Variants in CCZ1 observed in about 807,000 individuals in gnomAD.
CCZ1 encodes CCZ1 vacuolar protein trafficking and biogenesis associated.
In CCZ1, 19 loss-of-function variants were observed where a neutral mutation model predicts 57.8. The ratio of observed to expected loss-of-function variants is 0.33; its 90% CI spans 0.23 to 0.48. The LOEUF (loss-of-function observed/expected upper bound fraction) is 0.48. Among genes scored for constraint, CCZ1 ranks in the 20% least tolerant of loss-of-function variants. The pLI, the probability that CCZ1 is intolerant of heterozygous loss-of-function variation, is 0.99. For missense variants in CCZ1, 200 were observed against 492.0 expected (o/e 0.41, Z 5.61); for synonymous variants, 81 against 167.0 (o/e 0.49, Z 3.97).
intron 8 of CCZ1, among the ~76,000 whole-genome samples, chr7:5,910,846 C>T (rs576814099): frequency 3.4e-5 from 5 of 147,276 alleles, no homozygotes; most frequent in East Asian, 4.5e-4. Flanking sequence ...AACAATTCTC[C>T]GGCCTCAGGC....
rs1321600102 is a variant in CCZ1, at chr7:5,914,394, C to T, written c.954+1440C>T. 1.3e-4 allele frequency among the ~76,000 whole-genome samples: 20 copies of T among 149,000 alleles called. 1 individual carries two copies. The highest frequency in any genetic ancestry group is 5.0e-4 in the African/African-American group (20 of 40,178). ...GAGGCTGCAATGAGCTATGATCACACCACTGCATTCTAGCCTGGGTGACAG... is the reference window on the plus strand; with the variant it reads ...GAGGCTGCAATGAGCTATGATCACATCACTGCATTCTAGCCTGGGTGACAG... On this transcript the variant is annotated intron_variant, in intron 10 of 14. Transcript: ENST00000325974.
intron 8 of CCZ1, among the ~76,000 whole-genome samples, chr7:5,910,617 C>A (rs570427378): frequency 6.9e-6 from 1 of 144,314 alleles, no homozygotes; most frequent in Non-Finnish European, 1.5e-5. Context: ...TGAGCCACCG[C>A]CCCCAGTCCA....
At position 5,905,151 on chromosome 7, in the gene CCZ1, A is replaced by G. The variant is rs140967480; in HGVS notation, c.580A>G (p.Ser194Gly). The G allele has an allele frequency of 2.4e-5, 38 of 1,586,118 alleles. No individual in the cohort carries two copies. In the African/African-American group the frequency reaches 4.0e-4, roughly 17 times the overall value. The change falls in exon 7 of 15, where the codon AGC becomes GGC. Residue 194 changes from serine to glycine, a missense_variant. By Grantham distance (56) the Ser-to-Gly change is moderately conservative (BLOSUM62 0). This residue lies in a region of CCZ1 where 128 missense variants were observed against 178.4 expected (regional missense o/e 0.72). Coordinates refer to ENST00000325974, the MANE Select transcript of CCZ1 (RefSeq NM_015622.6). ...CDLLDIFGGI[S>G]FFPLDKMTYL... ...CCTACTTGACATTTTTGGTGGAATC[A>G]GCTTCTTCCCGTTGGATAAAATGAC...
In CCZ1 at chr7:5,900,903, G is replaced by C; in HGVS notation, c.361G>C (p.Val121Leu). 1 of 1,453,754 alleles carries C rather than the reference G, an allele frequency of 6.9e-7. No individual in the cohort carries two copies. The highest frequency in any genetic ancestry group is 9.2e-7 in the Non-Finnish European group (1 of 1,081,858). 90.1% of individuals were successfully genotyped at this position (1,453,754 alleles called of 1,614,324 possible). The change falls in exon 4 of 15, where the codon GTT (valine) becomes CTT (leucine). Residue 121 changes from valine to leucine, a missense_variant. Transcript: ENST00000325974. Reference sequence around the variant, plus strand: ...AAAACAGAGTAAAGATGGAAAACCAGTTATTGAATATCAAGAGGAGGAGTT... The same window carrying C: ...AAAACAGAGTAAAGATGGAAAACCACTTATTGAATATCAAGAGGAGGAGTT... ...IEKQSKDGKP[V>L]IEYQEEELLD...
chr7:5,926,399 T>TTGC lies in CCZ1; in HGVS notation c.*715_*717dup. On this transcript the variant is annotated 3_prime_UTR_variant, in exon 15 of 15. Coordinates refer to ENST00000325974, the MANE Select transcript of CCZ1 (RefSeq NM_015622.6). ...TTTCTTCTTCTTGCTGGTGATGGTCTTGCTGGATGGGGACACGGTCACATC... is the reference window on the plus strand; with the variant it reads ...TTTCTTCTTCTTGCTGGTGATGGTCTTGCTGCTGGATGGGGACACGGTCACATC... The TTGC allele has an allele frequency of 8.6e-6, 13 of 1,515,440 alleles. No individual in the cohort carries two copies. The highest frequency in any genetic ancestry group is 1.2e-5 in the Non-Finnish European group (13 of 1,106,450). 93.9% of individuals were successfully genotyped at this position (1,515,440 alleles called of 1,614,324 possible). A position where few individuals can be genotyped will look rare whatever the true frequency, so the allele number is the denominator to read the frequency against.
At chr7:5,914,657 C>T (rs911408095) in intron 10 of CCZ1, among the ~76,000 whole-genome samples, 3 of 127,846 alleles carry the variant, frequency 2.3e-5, no homozygotes, top group Admixed American at 7.5e-5. Context: ...GGCGGATCAC[C>T]TGAGGTCTGG....
At chr7:5,906,878 T>G (rs1327415477) in intron 7 of CCZ1, among the ~76,000 whole-genome samples, 1 of 150,876 alleles carries the variant, frequency 6.6e-6, no homozygotes, top group Non-Finnish European at 1.5e-5. Flanking sequence ...ACTTTTTTTT[T>G]TGTTTTTGAG....
rs1388834294 is a variant in CCZ1 at position 5,905,990 on chromosome 7, G to A, written c.698+721G>A. On this transcript the variant is annotated intron_variant, in intron 7 of 14. Transcript: ENST00000325974. ...ACTCCTGGCCTCAAGCGATCCACCCGCCTCAGCCTCCCAAAGTGCTGGGAT... is the reference window on the plus strand; with the variant it reads ...ACTCCTGGCCTCAAGCGATCCACCCACCTCAGCCTCCCAAAGTGCTGGGAT... 2.3e-4 allele frequency among the ~76,000 whole-genome samples: 31 copies of A among 135,246 alleles called. 3 individuals are homozygous for A. The highest frequency in any genetic ancestry group is 8.0e-4 in the African/African-American group (29 of 36,358). 88.7% of individuals were successfully genotyped at this position (135,246 alleles called of 152,430 possible). A position where few individuals can be genotyped will look rare whatever the true frequency, so the allele number is the denominator to read the frequency against.
Position 5,908,613 on chromosome 7 carries a change from T to C in CCZ1, c.699-1422T>C, listed in dbSNP as rs1781891914. 2.0e-5 allele frequency among the ~76,000 whole-genome samples: 3 copies of C among 147,846 alleles called. 1 individual carries two copies. The South Asian group carries it at 6.8e-4, about 33-fold the overall frequency. On this transcript the variant is annotated intron_variant, in intron 7 of 14. Transcript: ENST00000325974. ...CAGGCTGGTGTTGAACCCCTGACCT[T>C]AGGTGATCTGCTCACCTTGGCTTCC... is the stretch of plus-strand genomic sequence containing the variant.
rs76230286 is a variant in CCZ1 at position 5,908,055 on chromosome 7, C to T, written c.699-1980C>T. On this transcript the variant is annotated intron_variant, in intron 7 of 14. Coordinates refer to ENST00000325974, the MANE Select transcript of CCZ1 (RefSeq NM_015622.6). ...CCTGGAAGTTTGAGGTTGCAGTGAGCTATGATAGCACCACTGTACTCCAGC... is the reference window on the plus strand; with the variant it reads ...CCTGGAAGTTTGAGGTTGCAGTGAGTTATGATAGCACCACTGTACTCCAGC... Among the ~76,000 whole-genome samples, 84 of 142,016 alleles carry T rather than the reference C, an allele frequency of 5.9e-4. 12 individuals carry two copies. The East Asian group carries it at 0.02, about 33-fold the overall frequency. 93.2% of individuals were successfully genotyped at this position (142,016 alleles called of 152,430 possible).
chr7:5,912,024 G>T (rs991760282), intron 9 of CCZ1, 102 bp downstream of exon 9: 7 of 1,576,396 alleles, frequency 4.4e-6, no homozygotes, highest in Admixed American at 3.8e-5. Flanking sequence ...CAAGATCTCC[G>T]CTCACTGCAA....
chr7:5,910,860 C>T (rs947652312), intron 8 of CCZ1, among the ~76,000 whole-genome samples: 2 of 147,098 alleles, frequency 1.4e-5, no homozygotes, highest in South Asian at 2.3e-4. Context: ...CTCAGGCTCC[C>T]GAGTAGCTGA....
At chr7:5,908,533 C>G (rs1402517956) in intron 7 of CCZ1, among the ~76,000 whole-genome samples, 1 of 147,902 alleles carries the variant, frequency 6.8e-6, no homozygotes, top group Non-Finnish European at 1.5e-5. Context: ...TGTGTGCTAT[C>G]AGGCCTAGCA....
chr7:5,899,332 GGGGTGT>G (rs1417522414), intron 1 of CCZ1, among the ~76,000 whole-genome samples: 8,010 of 128,544 alleles, frequency 0.062, 348 homozygotes, highest in East Asian at 0.13. Flanking sequence ...TTTCGGGAGG[GGGGTGT>G]GTGTGTGTGT....
At position 5,924,448 on chromosome 7, in the gene CCZ1, C is replaced by T. The variant is rs1470705509; in HGVS notation, c.1393+486C>T. ...TGAAACAGAGTCTTGCTCTGTCGCA[C>T]AGGCTGGGCTCAAACTCCAGGCCTC... On this transcript the variant is annotated intron_variant, in intron 14 of 14. Coordinates refer to ENST00000325974, the MANE Select transcript of CCZ1 (RefSeq NM_015622.6). 1.1e-3 allele frequency among the ~76,000 whole-genome samples: 106 copies of T among 93,200 alleles called. 18 individuals are homozygous for T. The highest frequency in any genetic ancestry group is 2.2e-3 in the Non-Finnish European group (94 of 42,128). 61.1% of individuals were successfully genotyped at this position (93,200 alleles called of 152,430 possible).
In CCZ1 at chr7:5,916,594, G is replaced by A. The variant is rs537942057; in HGVS notation, c.955-2273G>A. Among the ~76,000 whole-genome samples, 8 of 146,036 alleles carry A rather than the reference G, an allele frequency of 5.5e-5. No individual in the cohort carries two copies. In the East Asian group the frequency reaches 1.6e-3, roughly 28 times the overall value. On this transcript the variant is annotated intron_variant, in intron 10 of 14. Transcript: ENST00000325974. ...TGTCCTCTCCCGTTGGGGTCATGTG[G>A]ACAGCCCAGTGAGTGTTTCCCCATC...
intron 8 of CCZ1, among the ~76,000 whole-genome samples, chr7:5,911,466 C>T (rs1008026024): frequency 1.0e-4 from 13 of 130,014 alleles, no homozygotes; most frequent in Non-Finnish European, 1.3e-4. Context: ...CCACACCTGG[C>T]TAATTTTTTG....
In CCZ1 at chr7:5,902,536, T is replaced by G. The variant is rs1315027772; in HGVS notation, c.439-125T>G. ...CAAGTTTTCTCATGTAAATATTCTC[T>G]GTTGGAAAGAACTGGGAGATTTAAT... On this transcript the variant is annotated intron_variant, in intron 5 of 14. Transcript: ENST00000325974. 22 of 1,367,956 alleles carry G rather than the reference T, an allele frequency of 1.6e-5. 1 individual carries two copies. Among genetic ancestry groups the G allele is most frequent in the Non-Finnish European group, 2.1e-5 (22 of 1,050,206 alleles). The allele number at this position is 1,367,956 out of a possible 1,614,324, so 84.7% of individuals were successfully genotyped here.
chr7:5,916,548 A>G (rs1779152047), intron 10 of CCZ1, among the ~76,000 whole-genome samples: 1 of 136,482 alleles, frequency 7.3e-6, no homozygotes, highest in Non-Finnish European at 1.6e-5. Flanking sequence ...ATGGAGTCCC[A>G]CTCTGGTGTG....
Sources: allele counts gnomAD v4.1 joint callset (sites outside exome capture counted in the v4.1 genomes callset), GRCh38; gene constraint gnomAD v4.1.1; regional missense constraint gnomAD v4.1.1; transcripts MANE v1.5; gene names NCBI Gene and HGNC (gene_info 2026-07-23, HGNC 2026-07-21).